The following FGF12 variants were observed in gnomAD, a reference collection of about 807,000 sequenced individuals.
FGF12 encodes the protein fibroblast growth factor 12B.
A neutral mutation model predicts 23.6 loss-of-function variants in FGF12; 14 were observed. That is an observed-to-expected ratio of 0.59 (90% CI 0.39 to 0.93). The LOEUF (loss-of-function observed/expected upper bound fraction) is 0.93, where lower values mean the gene tolerates loss of function less well. Ranked by LOEUF, FGF12 falls within the 40% of genes least tolerant of loss-of-function variation. The pLI is 0.00. For synonymous variants in FGF12, 62 were observed against 77.3 expected (o/e 0.80, Z 1.04); for missense variants, 175 against 217.8 (o/e 0.80, Z 1.24).
Position 192,394,227 on chromosome 3 carries a change from G to A in FGF12, c.14-33689C>T, listed in dbSNP as rs1412429781. 4.6e-5 allele frequency among the ~76,000 whole-genome samples: 7 copies of A among 152,020 alleles called. No individual in the cohort carries two copies. The East Asian group carries it at 7.7e-4, about 17-fold the overall frequency. On this transcript the variant is annotated intron_variant, in intron 2 of 5. Coordinates refer to ENST00000445105, the MANE Select transcript of FGF12 (RefSeq NM_004113.6). ...TTCCACTATATTATTAAGTTCTTCCGGGGCTGAGGTCCAAACTTATGTAAT... is the reference window on the plus strand; with the variant it reads ...TTCCACTATATTATTAAGTTCTTCCAGGGCTGAGGTCCAAACTTATGTAAT...
Position 192,608,142 on chromosome 3 carries a change from G to A in FGF12, c.13+119039C>T, listed in dbSNP as rs192362289. Among the ~76,000 whole-genome samples, 10 of 152,244 alleles carry A rather than the reference G, an allele frequency of 6.6e-5. No homozygotes were observed. In the East Asian group the frequency reaches 1.7e-3, roughly 26 times the overall value. On this transcript the variant is annotated intron_variant, in intron 2 of 5. Transcript: ENST00000445105. ...AGAAGGTAGAATGATGGTTACCAGA[G>A]TTGGGAAGGGTGGTGGGGGCAGTGG...
intron 2 of FGF12, among the ~76,000 whole-genome samples, chr3:192,544,991 G>A (rs1442137451): frequency 2.0e-5 from 3 of 152,176 alleles, no homozygotes; most frequent in African/African-American, 7.2e-5. Flanking sequence ...GGAGAAGTCA[G>A]GTGAGATAGC....
intron 2 of FGF12, among the ~76,000 whole-genome samples, chr3:192,690,610 C>A (rs1008160703): frequency 1.2e-4 from 18 of 148,108 alleles, no homozygotes. Flanking sequence ...AAAAAATCAC[C>A]CAATCACAAA....
intron 2 of FGF12, among the ~76,000 whole-genome samples, chr3:192,628,602 A>C (rs1036440051): frequency 6.6e-6 from 1 of 150,656 alleles, no homozygotes; most frequent in African/African-American, 2.4e-5. Context: ...CGGGGCAGCA[A>C]ATAGATGGAG....
At chr3:192,696,868 A>G (rs1718141644) in intron 2 of FGF12, among the ~76,000 whole-genome samples, 1 of 151,618 alleles carries the variant, frequency 6.6e-6, no homozygotes, top group Non-Finnish European at 1.5e-5. Context: ...TGAAGAGGAG[A>G]CTAAATGAGG....
rs1314421544 is a variant in FGF12, at chr3:192,565,824, C to T, written c.13+161357G>A. Reference sequence around the variant, plus strand: ...TGACTGGGCCGGGCATGGTGGCTCACGCCTGTAATCCCAGCACTTTGGGAG... The same window carrying T: ...TGACTGGGCCGGGCATGGTGGCTCATGCCTGTAATCCCAGCACTTTGGGAG... On this transcript the variant is annotated intron_variant, in intron 2 of 5. Transcript: ENST00000445105. Among the ~76,000 whole-genome samples, 14 of 152,308 alleles carry T rather than the reference C, an allele frequency of 9.2e-5. 1 individual carries two copies. Among genetic ancestry groups the T allele is most frequent in the African/African-American group, 2.2e-4 (9 of 41,578 alleles).
rs199986177 is a variant in FGF12, at chr3:192,224,247, G to GTGA, written c.229-53594_229-53592dup. ...CGCTTTCTGTATTATGATGATAGTG[G>GTGA]TGATGATGATGATGATAATGACATA... On this transcript the variant is annotated intron_variant, in intron 4 of 5. Coordinates refer to ENST00000445105, the MANE Select transcript of FGF12 (RefSeq NM_004113.6). Among the ~76,000 whole-genome samples the GTGA allele has an allele frequency of 6.6e-3, 1,011 of 152,150 alleles. 4 individuals are homozygous for GTGA. Among genetic ancestry groups the GTGA allele is most frequent in the African/African-American group, 0.023 (962 of 41,510 alleles).
intron 2 of FGF12, among the ~76,000 whole-genome samples, chr3:192,607,846 TAAAAAA>T (rs36061162): frequency 8.2e-6 from 1 of 122,076 alleles, no homozygotes; most frequent in Non-Finnish European, 1.7e-5. Context: ...CACTGAAAAT[TAAAAAA>T]AAAAAAAAAA....
At chr3:192,154,628 G>T (rs1296855572) in intron 5 of FGF12, among the ~76,000 whole-genome samples, 4 of 150,024 alleles carry the variant, frequency 2.7e-5, no homozygotes, top group Admixed American at 6.7e-5. Flanking sequence ...GGCTGCTCGG[G>T]GGTCAGGGGT....
At chr3:192,581,400 T>C (rs948621684) in intron 2 of FGF12, among the ~76,000 whole-genome samples, 1 of 150,516 alleles carries the variant, frequency 6.6e-6, no homozygotes, top group African/African-American at 2.4e-5. Flanking sequence ...AGACCTCACC[T>C]CTCTAAAATA....
chr3:192,581,124 T>A (rs951929282), intron 2 of FGF12, among the ~76,000 whole-genome samples: 5 of 152,204 alleles, frequency 3.3e-5, no homozygotes, highest in African/African-American at 1.2e-4. Flanking sequence ...TGGTTAATTA[T>A]GAAATCATTG....
chr3:192,674,758 T>C (rs1357958748), intron 2 of FGF12, among the ~76,000 whole-genome samples: 1 of 152,210 alleles, frequency 6.6e-6, no homozygotes, highest in Non-Finnish European at 1.5e-5. Flanking sequence ...AAGACTTTAA[T>C]GGAGAAATGC....
At chr3:192,252,516 G>GAAGACAAGAA (rs1287813579) in intron 4 of FGF12, among the ~76,000 whole-genome samples, 2 of 117,854 alleles carry the variant, frequency 1.7e-5, no homozygotes, top group Non-Finnish European at 3.6e-5. Context: ...GAAGACAAGA[G>GAAGACAAGAA]AAGACAAGAA....
chr3:192,204,918 G>A (rs560572565), intron 4 of FGF12, among the ~76,000 whole-genome samples: 25 of 151,872 alleles, frequency 1.6e-4, no homozygotes, highest in Non-Finnish European at 3.4e-4. Flanking sequence ...AAGTAAGAAA[G>A]AAAGAAAGAA....
intron 4 of FGF12, among the ~76,000 whole-genome samples, chr3:192,278,752 G>A (rs941050816): frequency 1.1e-4 from 17 of 152,316 alleles, no homozygotes; most frequent in Non-Finnish European, 1.6e-4. Context: ...CAGAGTTTCA[G>A]TTGGAGAGCC....
Position 192,330,215 on chromosome 3 carries a change from G to A in FGF12, c.228+5146C>T, listed in dbSNP as rs368114459. On this transcript the variant is annotated intron_variant, in intron 4 of 5. Coordinates refer to ENST00000445105, the MANE Select transcript of FGF12 (RefSeq NM_004113.6). ...CTCAATGTCGTTTTTTGCACTAATA[G>A]AAAACTCCATTCCAAAATTTATATA... 2.6e-5 allele frequency among the ~76,000 whole-genome samples: 4 copies of A among 152,036 alleles called. No individual in the cohort carries two copies. In the South Asian group the frequency reaches 8.3e-4, roughly 32 times the overall value.
At chr3:192,161,928 A>G (rs1487000388) in intron 5 of FGF12, among the ~76,000 whole-genome samples, 1 of 152,124 alleles carries the variant, frequency 6.6e-6, no homozygotes, top group Non-Finnish European at 1.5e-5. Flanking sequence ...GGAACACTGG[A>G]GTTGTTCTGA....
intron 4 of FGF12, among the ~76,000 whole-genome samples, chr3:192,290,489 C>T (rs911492072): frequency 2.0e-5 from 3 of 152,112 alleles, no homozygotes; most frequent in Non-Finnish European, 4.4e-5. Flanking sequence ...CTATAGAGTA[C>T]AATTCCAAGT....
At chr3:192,431,553 G>A (rs1479920969) in intron 2 of FGF12, among the ~76,000 whole-genome samples, 1 of 152,106 alleles carries the variant, frequency 6.6e-6, no homozygotes, top group African/African-American at 2.4e-5. Flanking sequence ...AAAATGACAG[G>A]GAGAAGTGGA....
Sources: allele counts gnomAD v4.1 joint callset (sites outside exome capture counted in the v4.1 genomes callset), GRCh38; gene constraint gnomAD v4.1.1; transcripts MANE v1.5; gene names NCBI Gene and HGNC (gene_info 2026-07-23, HGNC 2026-07-21).